The following UBAP2 variants were observed in gnomAD, a reference collection of about 807,000 sequenced individuals.
UBAP2 encodes ubiquitin associated protein 2.
A neutral mutation model predicts 139.6 loss-of-function variants in UBAP2; 75 were observed. The observed-to-expected ratio is 0.54, with a 90% confidence interval of 0.45 to 0.65. The LOEUF is 0.65. Ranked by LOEUF, UBAP2 falls within the 30% of genes least tolerant of loss-of-function variation. UBAP2 has a pLI of 0.00. For missense variants in UBAP2, 1,368 were observed against 1,369.6 expected, an observed-to-expected ratio of 1.00 and a Z score of 0.02; for synonymous variants, 526 against 526.2, an observed-to-expected ratio of 1.00 and a Z score of 0.01.
At chr9:33,934,669 A>G (rs77808868) in intron 17 of UBAP2, among the ~76,000 whole-genome samples, 139 of 152,294 alleles carry the variant, frequency 9.1e-4, no homozygotes, top group African/African-American at 3.2e-3. Context: ...CCTCTCTCAA[A>G]CAAACAAACA....
intron 4 of UBAP2, among the ~76,000 whole-genome samples, chr9:33,993,111 A>G (rs372164227): frequency 6.6e-6 from 1 of 152,264 alleles, no homozygotes. Context: ...CTTATGTTCA[A>G]TATCTTCCTT....
intron 5 of UBAP2, among the ~76,000 whole-genome samples, chr9:33,987,748 TC>T (rs1821340487): frequency 6.6e-6 from 1 of 152,240 alleles, no homozygotes. Context: ...AAAAACTACT[TC>T]CATTATGCAA....
intron 9 of UBAP2, 26 bp from the exon 10 acceptor site, chr9:33,960,904 G>C (rs1369904072): frequency 6.2e-7 from 1 of 1,611,752 alleles, no homozygotes; most frequent in South Asian, 1.1e-5. Context: ...AGCAATCAAA[G>C]TTTATACCAC....
intron 16 of UBAP2, among the ~76,000 whole-genome samples, chr9:33,939,847 GGAGGGGGAGGGGGAGGAGGAGGAGGA>G (rs1166900419): frequency 2.0e-3 from 10 of 4,990 alleles, no homozygotes; most frequent in East Asian, 0.015. Flanking sequence ...GGGAGGGGGA[GGAGGGGGAGGGGGAGGAGGAGGAGGA>G]GGGGAGGAGG....
chr9:33,943,860 A>G (rs1825440174), intron 14 of UBAP2, among the ~76,000 whole-genome samples: 1 of 152,162 alleles, frequency 6.6e-6, no homozygotes, highest in Admixed American at 6.5e-5. Flanking sequence ...TGCACCCAGG[A>G]GTTCAAGACC....
intron 7 of UBAP2, among the ~76,000 whole-genome samples, chr9:33,972,333 T>G (rs2131058302): frequency 6.6e-6 from 1 of 152,300 alleles, no homozygotes; most frequent in South Asian, 2.1e-4. Context: ...GAATGTGAAG[T>G]AAACAGAAAA....
chr9:33,974,717 C>A (rs1325035508), intron 6 of UBAP2, among the ~76,000 whole-genome samples: 4 of 152,054 alleles, frequency 2.6e-5, no homozygotes, highest in Non-Finnish European at 1.5e-5. Flanking sequence ...TTTCAGAGGC[C>A]AAGGCAGGCG....
chr9:33,973,071 G>T, intron 7 of UBAP2, 112 bp downstream of exon 7: 2 of 926,970 alleles, frequency 2.2e-6, no homozygotes, highest in Non-Finnish European at 3.4e-6. Flanking sequence ...TTTAAGTATA[G>T]AAAACACTAG....
intron 9 of UBAP2, among the ~76,000 whole-genome samples, 176 bp from the exon 10 acceptor site, chr9:33,961,054 T>G (rs541494247): frequency 8.5e-5 from 13 of 152,342 alleles, no homozygotes; most frequent in African/African-American, 3.1e-4. Flanking sequence ...AAATCAGTAA[T>G]ATTTCTTTTC....
At chr9:33,960,675 G>A (rs1251602011) in intron 10 of UBAP2, 151 bp downstream of exon 10, 2 of 679,418 alleles carry the variant, frequency 2.9e-6, no homozygotes, top group East Asian at 5.4e-5. Flanking sequence ...AGCTATTTGG[G>A]AGGCTGAGGC....
chr9:33,955,088 CAAATA>C (rs1343015096), intron 11 of UBAP2, among the ~76,000 whole-genome samples: 3 of 146,782 alleles, frequency 2.0e-5, no homozygotes, highest in Non-Finnish European at 4.5e-5. Flanking sequence ...TAGTAGAACT[CAAATA>C]AAATAAGAGA....
At chr9:33,973,259 T>C (rs2131061965) in intron 6 of UBAP2, 22 bp from the exon 7 acceptor site, 2 of 1,610,098 alleles carry the variant, frequency 1.2e-6, no homozygotes, top group African/African-American at 1.3e-5. Flanking sequence ...CACACAATTA[T>C]AGTATAAAAT....
chr9:33,960,780 CAAAAAAA>C, intron 10 of UBAP2, 39 bp downstream of exon 10: 6 of 1,313,898 alleles, frequency 4.6e-6, no homozygotes, highest in Non-Finnish European at 6.2e-6. Flanking sequence ...AATTCCATTT[CAAAAAAA>C]AAAAAAAAGA....
rs1385707957 is a variant in UBAP2 at position 33,972,886 on chromosome 9, A to G, written c.575+297T>C. 2.6e-5 allele frequency among the ~76,000 whole-genome samples: 4 copies of G among 152,210 alleles called. No individual in the cohort carries two copies. The South Asian group carries it at 8.3e-4, about 32-fold the overall frequency. On this transcript the variant is annotated intron_variant, in intron 7 of 28. Coordinates refer to ENST00000379238, the MANE Select transcript of UBAP2 (RefSeq NM_001370062.2). The stretch of plus-strand genomic sequence containing the variant: ...GGCGAAGTGCTACTGACATTTATTA[A>G]TAGTACAGAGAAGAGAGATGTTGCT...
intron 22 of UBAP2, 104 bp downstream of exon 22, chr9:33,926,498 GAGAGGTTCCTCAGGC>G: frequency 1.8e-6 from 2 of 1,111,876 alleles, no homozygotes; most frequent in Non-Finnish European, 2.8e-6. Context: ...TAGTGGTGCT[GAGAGGTTCCTCAGGC>G]AGAGGATCCT....
intron 6 of UBAP2, among the ~76,000 whole-genome samples, chr9:33,982,433 A>G (rs1820843040): frequency 6.6e-6 from 1 of 152,206 alleles, no homozygotes; most frequent in African/African-American, 2.4e-5. Flanking sequence ...ACAAATAAAA[A>G]ATAGGTAGGT....
intron 11 of UBAP2, among the ~76,000 whole-genome samples, chr9:33,953,815 T>C (rs1260685428): frequency 2.6e-5 from 4 of 152,162 alleles, no homozygotes; most frequent in African/African-American, 9.7e-5. Context: ...CTAGAATATT[T>C]TACCCATTTA....
intron 8 of UBAP2, 68 bp downstream of exon 8, chr9:33,971,583 A>G: frequency 1.1e-6 from 1 of 905,486 alleles, no homozygotes; most frequent in South Asian, 1.3e-5. Context: ...TCATCTTTGT[A>G]TGAGAACATA....
At chr9:34,003,531 C>A (rs1402594470) in intron 2 of UBAP2, among the ~76,000 whole-genome samples, 2 of 151,634 alleles carry the variant, frequency 1.3e-5, no homozygotes, top group East Asian at 3.9e-4. Context: ...TCAGCCTCCC[C>A]AGTAGCTGAG....
Sources: gnomAD v4.1 joint callset for allele counts (sites outside exome capture counted in the v4.1 genomes callset) on GRCh38, gnomAD v4.1.1 for gene constraint, MANE v1.5 for transcripts, NCBI Gene and HGNC (gene_info 2026-07-23, HGNC 2026-07-21) for gene names.